Variants in AFAP1L1 observed in about 807,000 individuals in gnomAD.
The protein encoded by AFAP1L1 is actin filament associated protein 1 like 1.
Under a neutral mutation model 99.8 loss-of-function variants are expected in AFAP1L1, and 77 were observed. That is an observed-to-expected ratio of 0.77 (90% CI 0.64 to 0.93). AFAP1L1 has a LOEUF of 0.93. Ranked by LOEUF, AFAP1L1 falls within the 40% of genes least tolerant of loss-of-function variation. The pLI, the probability that AFAP1L1 is intolerant of heterozygous loss-of-function variation, is 0.00. For synonymous variants in AFAP1L1, 373 were observed against 395.3 expected (o/e 0.94, Z 0.67); for missense variants, 893 against 996.8 (o/e 0.90, Z 1.40).
intron 11 of AFAP1L1, 75 bp downstream of exon 11, chr5:149,316,378 C>T: frequency 6.5e-7 from 1 of 1,534,986 alleles, no homozygotes; most frequent in Non-Finnish European, 8.8e-7. Flanking sequence ...GCCAGGAGAC[C>T]TCATGCCTCG....
chr5:149,340,036 G>A lies in AFAP1L1; in HGVS notation c.*6G>A. ...GGGAAATGAAGAAGACCTAGGAAGA[G>A]GATGAGGATTTCATTCCAAAGGAAA... On this transcript the variant is annotated 3_prime_UTR_variant, in exon 19 of 19. Transcript: ENST00000296721. The A allele has an allele frequency of 6.2e-7, 1 of 1,613,956 alleles. No individual in the cohort carries two copies. The highest frequency in any genetic ancestry group is 2.2e-5 in the East Asian group (1 of 44,880).
intron 5 of AFAP1L1, 40 bp from the exon 6 acceptor site, chr5:149,306,266 T>C (rs1363241665): frequency 6.4e-7 from 1 of 1,566,936 alleles, no homozygotes; most frequent in Non-Finnish European, 8.7e-7. Flanking sequence ...GGAGTCTGCC[T>C]GCATTTCTCC....
chr5:149,317,042 G>A lies in AFAP1L1; in HGVS notation c.1268-687G>A, dbSNP rs983638106. ...TAGCCAGGCATGGTGGTGTATGCCT[G>A]TAATCCCAGCTACTTGGGAGGCTGA... On this transcript the variant is annotated intron_variant, in intron 11 of 18. Transcript: ENST00000296721. Among the ~76,000 whole-genome samples the A allele has an allele frequency of 2.6e-5, 4 of 152,266 alleles. No individual in the cohort carries two copies. The South Asian group carries it at 8.3e-4, about 32-fold the overall frequency.
intron 7 of AFAP1L1, among the ~76,000 whole-genome samples, chr5:149,307,858 T>TCTCTCTCTCTG (rs1561672922): frequency 9.0e-5 from 1 of 11,166 alleles, no homozygotes. Flanking sequence ...CTCTCTCTCT[T>TCTCTCTCTCTG]AAATTTAAAG....
chr5:149,285,919 C>G (rs1305703782), intron 1 of AFAP1L1, among the ~76,000 whole-genome samples: 1 of 152,192 alleles, frequency 6.6e-6, no homozygotes, highest in Non-Finnish European at 1.5e-5. Flanking sequence ...AGCCCCTCCC[C>G]AGTGCACCTG....
intron 8 of AFAP1L1, among the ~76,000 whole-genome samples, 174 bp from the exon 9 acceptor site, chr5:149,311,938 A>G (rs536892816): frequency 1.3e-5 from 2 of 152,320 alleles, no homozygotes; most frequent in East Asian, 3.9e-4. Flanking sequence ...ATATGGGAGA[A>G]AGCCTTTACA....
At chr5:149,287,734 G>A (rs1581295175) in intron 1 of AFAP1L1, among the ~76,000 whole-genome samples, 1 of 149,498 alleles carries the variant, frequency 6.7e-6, no homozygotes, top group African/African-American at 2.5e-5. Flanking sequence ...AGACATGAGG[G>A]TTTTTTGTTT....
At chr5:149,329,384 C>T (rs1185137697) in intron 15 of AFAP1L1, among the ~76,000 whole-genome samples, 1 of 152,200 alleles carries the variant, frequency 6.6e-6, no homozygotes, top group African/African-American at 2.4e-5. Context: ...CTACCAGTCA[C>T]TTTTGCCTAA....
At chr5:149,288,430 A>G (rs1265693433) in intron 1 of AFAP1L1, among the ~76,000 whole-genome samples, 1 of 152,194 alleles carries the variant, frequency 6.6e-6, no homozygotes, top group Non-Finnish European at 1.5e-5. Flanking sequence ...TGCTTAGCAC[A>G]ACATCTGGAA....
chr5:149,312,779 AC>A (rs2127597675), intron 9 of AFAP1L1, among the ~76,000 whole-genome samples: 1 of 151,928 alleles, frequency 6.6e-6, no homozygotes, highest in African/African-American at 2.4e-5. Flanking sequence ...ACAGAGTGAG[AC>A]CCTGTCTCAG....
intron 9 of AFAP1L1, 28 bp downstream of exon 9, chr5:149,312,232 C>T (rs1245540973): frequency 1.2e-6 from 2 of 1,609,260 alleles, no homozygotes; most frequent in South Asian, 1.1e-5. Context: ...AAGTCTTCCC[C>T]AGGCCAGGCA....
intron 12 of AFAP1L1, 40 bp downstream of exon 12, chr5:149,317,980 G>C (rs991577680): frequency 4.5e-5 from 69 of 1,545,338 alleles, no homozygotes; most frequent in Non-Finnish European, 5.9e-5. Flanking sequence ...TCTTGGTCTG[G>C]GGACTCTGGC....
At chr5:149,324,086 G>A (rs935234338) in intron 15 of AFAP1L1, among the ~76,000 whole-genome samples, 2 of 152,242 alleles carry the variant, frequency 1.3e-5, no homozygotes, top group Non-Finnish European at 2.9e-5. Flanking sequence ...TTGAAGGGCA[G>A]TGGGAAACCA....
intron 17 of AFAP1L1, among the ~76,000 whole-genome samples, chr5:149,334,223 T>A (rs1042972413): frequency 2.0e-5 from 3 of 152,188 alleles, no homozygotes; most frequent in Admixed American, 2.0e-4. Flanking sequence ...ATTGAGCCAG[T>A]GCTGTGTCTT....
rs1477500068 is a variant in AFAP1L1 at position 149,329,143 on chromosome 5, A to C, written c.1811-523A>C. Among the ~76,000 whole-genome samples the C allele has an allele frequency of 2.0e-5, 3 of 152,188 alleles. No individual in the cohort carries two copies. In the South Asian group the frequency reaches 6.2e-4, roughly 32 times the overall value. On this transcript the variant is annotated intron_variant, in intron 15 of 18. Coordinates refer to ENST00000296721, the MANE Select transcript of AFAP1L1 (RefSeq NM_152406.4). ...CTTTTAAAACCAAAGTATGTTCTAC[A>C]TCACAAATTTGTTTTTTAATAATAT...
chr5:149,286,619 C>A (rs142278313), intron 1 of AFAP1L1, among the ~76,000 whole-genome samples: 87 of 152,016 alleles, frequency 5.7e-4, no homozygotes, highest in Middle Eastern at 3.4e-3. Context: ...TAAATGAGTT[C>A]CGTTGTTTGA....
chr5:149,314,974 A>T (rs1235157109), intron 9 of AFAP1L1, among the ~76,000 whole-genome samples: 1 of 152,214 alleles, frequency 6.6e-6, no homozygotes, highest in African/African-American at 2.4e-5. Context: ...GCTCCGTCAC[A>T]GCAGCCCTCT....
intron 5 of AFAP1L1, among the ~76,000 whole-genome samples, chr5:149,305,702 ATAT>A (rs745578758): frequency 6.6e-6 from 1 of 152,138 alleles, no homozygotes; most frequent in Non-Finnish European, 1.5e-5. Context: ...ATTATGCACG[ATAT>A]TATTATCTCC....
At chr5:149,280,324 C>A (rs1034264666) in intron 1 of AFAP1L1, among the ~76,000 whole-genome samples, 1 of 152,158 alleles carries the variant, frequency 6.6e-6, no homozygotes, top group Non-Finnish European at 1.5e-5. Flanking sequence ...TCTGCTCTTG[C>A]CCTCTCCAGC....
Sources: allele counts gnomAD v4.1 joint callset (sites outside exome capture counted in the v4.1 genomes callset), GRCh38; gene constraint gnomAD v4.1.1; transcripts MANE v1.5; gene names NCBI Gene and HGNC (gene_info 2026-07-23, HGNC 2026-07-21).